C10orf90: variants seen among roughly 807,000 people sequenced by gnomAD.
C10orf90 encodes the protein chromosome 10 open reading frame 90.
A neutral mutation model predicts 62.5 loss-of-function variants in C10orf90; 56 were observed. The observed-to-expected ratio is 0.90, with a 90% CI of 0.72 to 1.12. The LOEUF is 1.12. Among genes scored for constraint, C10orf90 ranks in the 50% most tolerant of loss-of-function variants. C10orf90 has a pLI of 0.00. For missense variants in C10orf90, 970 were observed against 880.4 expected (o/e 1.10, Z -1.29); for synonymous variants, 386 against 340.4 (o/e 1.13, Z -1.47).
intron 2 of C10orf90, among the ~76,000 whole-genome samples, chr10:126,563,064 C>A (rs1864939592): frequency 6.6e-6 from 1 of 152,166 alleles, no homozygotes. Context: ...TGAAACCAGC[C>A]CCGGAGTATT....
chr10:126,605,879 G>GCATACATACATACATACATA (rs71488504), intron 2 of C10orf90, among the ~76,000 whole-genome samples: 71 of 142,696 alleles, frequency 5.0e-4, no homozygotes, highest in African/African-American at 1.8e-3. Flanking sequence ...ATACATACAT[G>GCATACATACATACATACATA]CATACATACA....
At chr10:126,619,266 A>C (rs1481867906) in intron 2 of C10orf90, among the ~76,000 whole-genome samples, 1 of 152,150 alleles carries the variant, frequency 6.6e-6, no homozygotes, top group Non-Finnish European at 1.5e-5. Context: ...AGTCTTATGC[A>C]CGCCCTCCAG....
intron 7 of C10orf90, among the ~76,000 whole-genome samples, chr10:126,436,542 A>T (rs928260833): frequency 1.3e-5 from 2 of 152,220 alleles, no homozygotes; most frequent in African/African-American, 4.8e-5. Context: ...CTTGTTACGT[A>T]TAAGTCTAAA....
At chr10:126,535,547 G>A (rs958999992) in intron 2 of C10orf90, among the ~76,000 whole-genome samples, 40 of 151,578 alleles carry the variant, frequency 2.6e-4, no homozygotes, top group African/African-American at 9.5e-4. Flanking sequence ...TCTTCTGTCC[G>A]ACAAGTTAAT....
chr10:126,659,728 C>A (rs1328980446), intron 1 of C10orf90, among the ~76,000 whole-genome samples: 2 of 152,178 alleles, frequency 1.3e-5, no homozygotes, highest in Non-Finnish European at 2.9e-5. Flanking sequence ...CAAACTAGAG[C>A]TGTTACCTGT....
At chr10:126,565,408 A>ATATATT (rs1844356081) in intron 2 of C10orf90, among the ~76,000 whole-genome samples, 4 of 44,958 alleles carry the variant, frequency 8.9e-5, no homozygotes, top group African/African-American at 3.3e-4. Context: ...TATTATATAT[A>ATATATT]ATATATATTA....
intron 2 of C10orf90, among the ~76,000 whole-genome samples, chr10:126,563,720 C>T (rs761885063): frequency 6.6e-6 from 1 of 152,216 alleles, no homozygotes; most frequent in Non-Finnish European, 1.5e-5. Flanking sequence ...CTGCCTCCAG[C>T]GTTTGCTCAT....
chr10:126,483,344 G>C (rs1861261321), intron 4 of C10orf90, among the ~76,000 whole-genome samples: 1 of 152,222 alleles, frequency 6.6e-6, no homozygotes, highest in African/African-American at 2.4e-5. Flanking sequence ...CTCAGCTGCA[G>C]AGACTCCAAG....
chr10:126,661,491 C>T (rs1357292226), intron 1 of C10orf90, among the ~76,000 whole-genome samples: 1 of 152,150 alleles, frequency 6.6e-6, no homozygotes, highest in East Asian at 1.9e-4. Context: ...TTAATCACAC[C>T]ACCACCTGTC....
intron 1 of C10orf90, among the ~76,000 whole-genome samples, chr10:126,656,600 A>G (rs1846399427): frequency 6.6e-6 from 1 of 152,230 alleles, no homozygotes; most frequent in African/African-American, 2.4e-5. Flanking sequence ...ACACAATACT[A>G]CATACTTCAG....
intron 1 of C10orf90, among the ~76,000 whole-genome samples, chr10:126,648,678 C>G (rs1440489941): frequency 1.3e-5 from 2 of 152,184 alleles, no homozygotes; most frequent in African/African-American, 2.4e-5. Flanking sequence ...CTGTCAGAAG[C>G]AGCAAGTTAT....
intron 2 of C10orf90, among the ~76,000 whole-genome samples, chr10:126,564,079 T>C (rs994440864): frequency 2.0e-5 from 3 of 152,038 alleles, no homozygotes; most frequent in Non-Finnish European, 2.9e-5. Context: ...TCTCCAGACA[T>C]TGCAAATGGC....
intron 2 of C10orf90, among the ~76,000 whole-genome samples, chr10:126,624,353 AAG>A (rs1270831924): frequency 6.6e-6 from 1 of 152,226 alleles, no homozygotes; most frequent in South Asian, 2.1e-4. Context: ...CTAAAAAAAA[AAG>A]AGAGAGAGAC....
chr10:126,540,570 A>C (rs114800415), intron 2 of C10orf90, among the ~76,000 whole-genome samples: 2,290 of 152,112 alleles, frequency 0.015, 62 homozygotes, highest in African/African-American at 0.053. Flanking sequence ...AAGGTAGAAG[A>C]ATCACTTGAG....
intron 7 of C10orf90, among the ~76,000 whole-genome samples, chr10:126,444,152 G>A (rs1858583729): frequency 6.6e-6 from 1 of 152,096 alleles, no homozygotes; most frequent in Non-Finnish European, 1.5e-5. Flanking sequence ...CTTCAACATA[G>A]TACTGGAAGT....
At chr10:126,480,124 A>G (rs978672513) in intron 4 of C10orf90, among the ~76,000 whole-genome samples, 3 of 152,248 alleles carry the variant, frequency 2.0e-5, no homozygotes, top group East Asian at 1.9e-4. Context: ...TTATTTTCCT[A>G]AAGACTTTTA....
chr10:126,503,711 T>C (rs1862533184), intron 4 of C10orf90, among the ~76,000 whole-genome samples: 1 of 152,178 alleles, frequency 6.6e-6, no homozygotes, highest in South Asian at 2.1e-4. Flanking sequence ...ACATATGGTC[T>C]GGAACTATTG....
intron 1 of C10orf90, among the ~76,000 whole-genome samples, chr10:126,666,860 A>G (rs1846639051): frequency 6.6e-6 from 1 of 151,294 alleles, no homozygotes; most frequent in Non-Finnish European, 1.5e-5. Flanking sequence ...GGTGCTTGTA[A>G]TCCCAGCTAC....
At chr10:126,633,949 A>G (rs1396545441) in intron 2 of C10orf90, among the ~76,000 whole-genome samples, 1 of 152,250 alleles carries the variant, frequency 6.6e-6, no homozygotes, top group East Asian at 1.9e-4. Flanking sequence ...CGCACCTGTC[A>G]GAATGGCTGT....
Sources: gnomAD v4.1 joint callset for allele counts (sites outside exome capture counted in the v4.1 genomes callset) on GRCh38, gnomAD v4.1.1 for gene constraint, MANE v1.5 for transcripts, NCBI Gene and HGNC (gene_info 2026-07-23, HGNC 2026-07-21) for gene names.